The following TIAM2 variants were observed in gnomAD, a reference collection of about 807,000 sequenced individuals.
TIAM2 encodes the protein TIAM Rac1 associated GEF 2.
A neutral mutation model predicts 152.9 loss-of-function variants in TIAM2; 80 were observed. The observed-to-expected ratio is 0.52, with a 90% CI of 0.44 to 0.63. TIAM2 has a LOEUF of 0.63. Among genes scored for constraint, TIAM2 ranks in the 30% least tolerant of loss-of-function variants. The probability of loss-of-function intolerance (pLI) is 0.00; values close to 1 mark genes in which losing one functional copy is unlikely to be tolerated. For synonymous variants in TIAM2, 804 were observed against 838.0 expected (o/e 0.96, Z 0.70); for missense variants, 1,965 against 2,120.1 (o/e 0.93, Z 1.44).
At chr6:155,146,610 A>G (rs1042272426) in intron 6 of TIAM2, among the ~76,000 whole-genome samples, 1 of 151,426 alleles carries the variant, frequency 6.6e-6, no homozygotes, top group Non-Finnish European at 1.5e-5. Context: ...TATTATTATT[A>G]TTTGAGATGG....
rs749041353 is a variant in TIAM2 at position 155,061,582 on chromosome 6, GT to G, written c.-208-28706del. Among the ~76,000 whole-genome samples the G allele has an allele frequency of 8.5e-5, 13 of 152,306 alleles. No individual in the cohort carries two copies. The South Asian group carries it at 2.7e-3, about 32-fold the overall frequency. On this transcript the variant is annotated intron_variant, in intron 1 of 26. Coordinates refer to ENST00000682666, the MANE Select transcript of TIAM2 (RefSeq NM_012454.4). ...AAAGCAGCTTTGGAATTTCCAGCTT[GT>G]ACCTCTGATGCAATAAATTTACCGT...
rs117101213 is a variant in TIAM2 at position 155,231,537 on chromosome 6, C to G, written c.3169-8993C>G. On this transcript the variant is annotated intron_variant, in intron 15 of 26. Transcript: ENST00000682666. ...CCACCACACCCTGCCAAGGGGCTGACGTGCTGCCCTTTTCCTTCTCCACTC... is the reference window on the plus strand; with the variant it reads ...CCACCACACCCTGCCAAGGGGCTGAGGTGCTGCCCTTTTCCTTCTCCACTC... Among the ~76,000 whole-genome samples, 85 of 152,370 alleles carry G rather than the reference C, an allele frequency of 5.6e-4. No individual in the cohort carries two copies. The East Asian group carries it at 0.015, about 27-fold the overall frequency.
intron 19 of TIAM2, among the ~76,000 whole-genome samples, chr6:155,246,582 T>C (rs1783346566): frequency 6.6e-6 from 1 of 152,172 alleles, no homozygotes; most frequent in Admixed American, 6.5e-5. Flanking sequence ...GTGATCCTCC[T>C]ATCTAGGCCT....
At chr6:155,183,205 T>C in intron 13 of TIAM2, 32 bp from the exon 14 acceptor site, 1 of 1,602,192 alleles carries the variant, frequency 6.2e-7, no homozygotes, top group Non-Finnish European at 8.5e-7. Flanking sequence ...AATCCCTCTC[T>C]CTTTTTTCTG....
In TIAM2 at chr6:155,087,095, A is replaced by T. The variant is rs546598422; in HGVS notation, c.-208-3194A>T. 5.3e-5 allele frequency among the ~76,000 whole-genome samples: 8 copies of T among 152,310 alleles called. No individual in the cohort carries two copies. In the East Asian group the frequency reaches 1.5e-3, roughly 29 times the overall value. On this transcript the variant is annotated intron_variant, in intron 1 of 26. Transcript: ENST00000682666. ...GAGGTTCGGGGTATGATGGTAGGTG[A>T]TCAGAGGAAGAGACACTTAAGCTGG...
intron 2 of TIAM2, among the ~76,000 whole-genome samples, chr6:155,104,731 T>G (rs1431020450): frequency 6.9e-6 from 1 of 144,068 alleles, no homozygotes; most frequent in Non-Finnish European, 1.5e-5. Context: ...CACTCCAGCC[T>G]GGGCAACAGA....
chr6:155,066,818 C>T (rs928534238), intron 1 of TIAM2, among the ~76,000 whole-genome samples: 2 of 151,858 alleles, frequency 1.3e-5, no homozygotes, highest in East Asian at 1.9e-4. Context: ...TGCAGTGGTG[C>T]GATCTTGGCT....
At chr6:155,100,007 TATG>T (rs1248526384) in intron 2 of TIAM2, among the ~76,000 whole-genome samples, 1 of 151,972 alleles carries the variant, frequency 6.6e-6, no homozygotes, top group African/African-American at 2.4e-5. Flanking sequence ...ACAGTAAAAA[TATG>T]GTATCATAAT....
Position 155,182,214 on chromosome 6 carries a change from T to C in TIAM2, c.2708-12T>C. 6.2e-7 allele frequency: 1 copy of C among 1,613,122 alleles called. No homozygotes were observed. The highest frequency in any genetic ancestry group is 8.5e-7 in the Non-Finnish European group (1 of 1,179,162). The stretch of plus-strand genomic sequence containing the variant: ...GCTGAGACTTGCTTTTTCCTTTTGT[T>C]TTCATTCCTAGGGTTTGCAGTTACA... On this transcript the variant is annotated splice_polypyrimidine_tract_variant and intron_variant, in intron 12 of 26. Coordinates refer to ENST00000682666, the MANE Select transcript of TIAM2 (RefSeq NM_012454.4).
chr6:155,164,489 A>G lies in TIAM2; in HGVS notation c.2103A>G (p.Leu701=), dbSNP rs1201717863. Residue 701 remains leucine, a synonymous_variant, in exon 8 of 27, where the codon CTA becomes CTG. Coordinates refer to ENST00000682666, the MANE Select transcript of TIAM2 (RefSeq NM_012454.4). ...GGATGCGCTGCTATCTGGCCAGCCT[A>G]CAAGGTGGGGAGTTACCGAACCCAA... ...LFRMRCYLAS[L]QGGELPNPKS... is the part of the protein sequence containing the mutation. 3 of 1,614,152 alleles carry G rather than the reference A, an allele frequency of 1.9e-6. No homozygotes were observed. Among genetic ancestry groups the G allele is most frequent in the Non-Finnish European group, 2.5e-6 (3 of 1,180,022 alleles).
chr6:155,152,416 G>A (rs1454364123), intron 7 of TIAM2, among the ~76,000 whole-genome samples: 2 of 152,182 alleles, frequency 1.3e-5, no homozygotes, highest in Non-Finnish European at 2.9e-5. Context: ...CAGCCAGGGG[G>A]CGTTCAGCTC....
chr6:155,106,596 A>G (rs931955761), intron 2 of TIAM2, among the ~76,000 whole-genome samples: 2 of 152,224 alleles, frequency 1.3e-5, no homozygotes, highest in Non-Finnish European at 2.9e-5. Flanking sequence ...TTTTATGATC[A>G]TAACATTCCA....
intron 1 of TIAM2, among the ~76,000 whole-genome samples, chr6:155,017,151 C>CA (rs1212524364): frequency 2.6e-5 from 4 of 152,128 alleles, no homozygotes; most frequent in African/African-American, 9.7e-5. Context: ...TATTGAAAGG[C>CA]AGTCTCCCGA....
chr6:155,128,896 GTC>G (rs1171129415), intron 3 of TIAM2, among the ~76,000 whole-genome samples: 2 of 152,026 alleles, frequency 1.3e-5, no homozygotes, highest in Non-Finnish European at 2.9e-5. Context: ...ATCATTCAAA[GTC>G]TCTCAACACC....
rs763205169 is a variant in TIAM2, at chr6:155,056,167, CTTTTTT to C, written c.-208-34105_-208-34100del. On this transcript the variant is annotated intron_variant, in intron 1 of 26. Coordinates refer to ENST00000682666, the MANE Select transcript of TIAM2 (RefSeq NM_012454.4). Reference sequence around the variant, plus strand: ...TCTAATGGATCTCCTTATTGTTCTTCTTTTTTTTTTTTTTTTTTTTTTGAGACAGAG... The same window carrying C: ...TCTAATGGATCTCCTTATTGTTCTTCTTTTTTTTTTTTTTTTGAGACAGAG... Among the ~76,000 whole-genome samples, 5 of 98,610 alleles carry C rather than the reference CTTTTTT, an allele frequency of 5.1e-5. No homozygotes were observed. In the East Asian group the frequency reaches 1.1e-3, roughly 22 times the overall value. 64.7% of individuals were successfully genotyped at this position (98,610 alleles called of 152,430 possible).
chr6:155,216,240 GAGA>G (rs1487197043), intron 15 of TIAM2, among the ~76,000 whole-genome samples: 1 of 152,116 alleles, frequency 6.6e-6, no homozygotes, highest in Non-Finnish European at 1.5e-5. Flanking sequence ...TCTTCTCAGG[GAGA>G]AGATCTGCCT....
intron 1 of TIAM2, among the ~76,000 whole-genome samples, chr6:155,000,703 G>A (rs918207252): frequency 1.8e-4 from 28 of 152,214 alleles, no homozygotes; most frequent in Middle Eastern, 3.4e-3. Flanking sequence ...AACCAGTTCC[G>A]TTCAGGCACC....
chr6:155,200,076 T>G (rs1387586957), intron 14 of TIAM2, among the ~76,000 whole-genome samples: 1 of 152,222 alleles, frequency 6.6e-6, no homozygotes, highest in Non-Finnish European at 1.5e-5. Context: ...TTTTAAAGAT[T>G]TATCTATTAA....
chr6:155,223,527 C>CTTTTTTTT (rs11385281), intron 15 of TIAM2, among the ~76,000 whole-genome samples: 11 of 130,860 alleles, frequency 8.4e-5, no homozygotes, highest in Non-Finnish European at 1.3e-4. Context: ...ATTTTTTTTT[C>CTTTTTTTT]TTTTTTTTTT....
Sources: allele counts gnomAD v4.1 joint callset (sites outside exome capture counted in the v4.1 genomes callset), GRCh38; gene constraint gnomAD v4.1.1; transcripts MANE v1.5; gene names NCBI Gene and HGNC (gene_info 2026-07-23, HGNC 2026-07-21).